The following PLCH1 variants were observed in gnomAD, a reference collection of about 807,000 sequenced individuals.
PLCH1 encodes the protein 1-phosphatidylinositol 4,5-bisphosphate phosphodiesterase eta-1.
Under a neutral mutation model 126.7 loss-of-function variants are expected in PLCH1, and 60 were observed. The observed-to-expected ratio is 0.47, with a 90% CI of 0.38 to 0.59. The LOEUF (loss-of-function observed/expected upper bound fraction) is 0.59. PLCH1 is among the 20% of genes least tolerant of loss of function. The pLI is 0.00. For synonymous variants in PLCH1, 719 were observed against 734.9 expected, an observed-to-expected ratio of 0.98 and a Z score of 0.35; for missense variants, 1,723 against 2,040.0, an observed-to-expected ratio of 0.84 and a Z score of 2.99.
intron 2 of PLCH1, among the ~76,000 whole-genome samples, chr3:155,627,261 T>C (rs1044621173): frequency 6.6e-6 from 1 of 152,132 alleles, no homozygotes; most frequent in African/African-American, 2.4e-5. Flanking sequence ...ACTGACATAA[T>C]GAAGCAAAGA....
chr3:155,455,343 G>C (rs1021765763), intron 21 of PLCH1, among the ~76,000 whole-genome samples: 3 of 152,138 alleles, frequency 2.0e-5, no homozygotes, highest in Admixed American at 6.5e-5. Context: ...CCCCAAGATG[G>C]TCCCTACATG....
intron 10 of PLCH1, among the ~76,000 whole-genome samples, chr3:155,531,171 T>C (rs753442658): frequency 2.0e-5 from 3 of 152,174 alleles, no homozygotes; most frequent in African/African-American, 7.2e-5. Flanking sequence ...GGATGAAAAA[T>C]GAGCACTGGC....
chr3:155,591,292 A>G (rs866744902), intron 4 of PLCH1, among the ~76,000 whole-genome samples: 1 of 152,148 alleles, frequency 6.6e-6, no homozygotes, highest in African/African-American at 2.4e-5. Flanking sequence ...CCCAAAAGCC[A>G]TGTACTTTAA....
At chr3:155,455,270 C>A (rs572744240) in intron 21 of PLCH1, among the ~76,000 whole-genome samples, 1 of 152,274 alleles carries the variant, frequency 6.6e-6, no homozygotes, top group African/African-American at 2.4e-5. Context: ...GCAGCTCCCC[C>A]AGAGGCAAGG....
At chr3:155,642,704 AAGC>A (rs1739547865) in intron 2 of PLCH1, among the ~76,000 whole-genome samples, 1 of 152,196 alleles carries the variant, frequency 6.6e-6, no homozygotes, top group Admixed American at 6.5e-5. Context: ...CTTTTTTCCA[AAGC>A]AGCCAGCTGT....
intron 1 of PLCH1, among the ~76,000 whole-genome samples, chr3:155,725,762 C>A (rs1748275098): frequency 6.6e-6 from 1 of 152,136 alleles, no homozygotes; most frequent in African/African-American, 2.4e-5. Context: ...TTATAAGTAG[C>A]ATATAGCTGA....
At chr3:155,537,201 C>CAAAAAAAAAAAAAAAAAAA (rs1560128167) in intron 10 of PLCH1, among the ~76,000 whole-genome samples, 7 of 132,100 alleles carry the variant, frequency 5.3e-5, no homozygotes, top group African/African-American at 2.1e-4. Flanking sequence ...AAAAAAAAAA[C>CAAAAAAAAAAAAAAAAAAA]CAAAAAAAAA....
chr3:155,542,221 C>G (rs1724394973), intron 10 of PLCH1, among the ~76,000 whole-genome samples: 1 of 152,214 alleles, frequency 6.6e-6, no homozygotes, highest in Admixed American at 6.5e-5. Context: ...AAACGGCGCA[C>G]CAGGAGATTA....
At chr3:155,602,348 T>C (rs187372936) in intron 2 of PLCH1, among the ~76,000 whole-genome samples, 2 of 152,230 alleles carry the variant, frequency 1.3e-5, no homozygotes, top group African/African-American at 4.8e-5. Context: ...CTGTTACCTA[T>C]AAGAATGACA....
rs1196997578 is a variant in PLCH1, at chr3:155,488,071, G to A, written c.2576C>T (p.Ala859Val). Residue 859 changes from alanine (A) to valine (V), a missense_variant, in exon 21 of 23, where the codon GCA (alanine) becomes GTA (valine). Around this residue, in one of 2 missense-constraint regions of PLCH1, gnomAD observed 776 missense variants for 1,062.9 expected, o/e 0.73. Coordinates refer to ENST00000460012, the MANE Select transcript of PLCH1 (RefSeq NM_014996.4). ...GATGGTTATGTGTACAAATATGGAT[G>A]CTTCTGTCAGTCCTTCCAAATAGAC... ...RHVYLEGLTE[A>V]SIFVHITINE... The A allele has an allele frequency of 6.2e-7, 1 of 1,608,396 alleles. No individual in the cohort carries two copies. The highest frequency in any genetic ancestry group is 1.7e-5 in the Admixed American group (1 of 60,006).
intron 11 of PLCH1, among the ~76,000 whole-genome samples, chr3:155,523,371 G>A (rs925974010): frequency 5.3e-5 from 8 of 152,170 alleles, no homozygotes; most frequent in Non-Finnish European, 1.5e-5. Flanking sequence ...CTTTATTGAA[G>A]ACTTGACAAA....
intron 2 of PLCH1, among the ~76,000 whole-genome samples, chr3:155,637,156 C>T (rs1026917820): frequency 5.5e-4 from 84 of 152,254 alleles, no homozygotes; most frequent in African/African-American, 1.7e-3. Context: ...CTGATTGGAC[C>T]GTAAGCCTTT....
chr3:155,590,488 G>A (rs566367804), intron 4 of PLCH1, among the ~76,000 whole-genome samples: 1 of 151,378 alleles, frequency 6.6e-6, no homozygotes, highest in African/African-American at 2.4e-5. Flanking sequence ...TGAGGCAGGA[G>A]AATGGCGTAA....
rs755690420 is a variant in PLCH1, at chr3:155,494,203, C to T, written c.2120G>A (p.Arg707Gln). Residue 707 changes from arginine (R) to glutamine (Q), a missense_variant, in exon 17 of 23, where the codon CGA becomes CAA. By Grantham distance (43) the Arg-to-Gln change is conservative (BLOSUM62 1). This residue lies in a region of PLCH1 where 776 missense variants were observed against 1,062.9 expected (regional missense o/e 0.73). Transcript: ENST00000460012. ...QSEGRMMQLN[R>Q]AKFKANGNCG... ...ATTGCCATTTGCCTTGAATTTGGCT[C>T]GGTTTAACTGCATCATTCGTCCTTC... is the stretch of plus-strand genomic sequence containing the variant. 16 of 1,614,016 alleles carry T rather than the reference C, an allele frequency of 9.9e-6. No individual in the cohort carries two copies. Among genetic ancestry groups the T allele is most frequent in the East Asian group, 6.7e-5 (3 of 44,894 alleles).
chr3:155,606,461 G>A (rs1450688009), intron 2 of PLCH1, among the ~76,000 whole-genome samples: 3 of 152,154 alleles, frequency 2.0e-5, no homozygotes, highest in Non-Finnish European at 4.4e-5. Flanking sequence ...ACATTATGAG[G>A]AAACTTTCAG....
intron 15 of PLCH1, among the ~76,000 whole-genome samples, chr3:155,497,007 T>A (rs552055031): frequency 1.3e-5 from 2 of 152,372 alleles, no homozygotes; most frequent in South Asian, 2.1e-4. Context: ...AAGCCGGGCC[T>A]GGACTTCACA....
intron 10 of PLCH1, among the ~76,000 whole-genome samples, chr3:155,542,204 G>A (rs1443183978): frequency 6.6e-6 from 1 of 152,174 alleles, no homozygotes; most frequent in Non-Finnish European, 1.5e-5. Context: ...TTTCCGACGG[G>A]CTTAAAAAAC....
chr3:155,637,863 G>A (rs1371818713), intron 2 of PLCH1, among the ~76,000 whole-genome samples: 1 of 152,144 alleles, frequency 6.6e-6, no homozygotes, highest in African/African-American at 2.4e-5. Context: ...TTCAAAGTGG[G>A]CTCTTGAATT....
chr3:155,617,372 T>A (rs913177002), intron 2 of PLCH1, among the ~76,000 whole-genome samples: 1 of 152,096 alleles, frequency 6.6e-6, no homozygotes, highest in Non-Finnish European at 1.5e-5. Context: ...TTCAAAAATA[T>A]CAAGCAGAAA....
Sources: allele counts gnomAD v4.1 joint callset (sites outside exome capture counted in the v4.1 genomes callset), GRCh38; gene constraint gnomAD v4.1.1; regional missense constraint gnomAD v4.1.1; transcripts MANE v1.5; gene names NCBI Gene and HGNC (gene_info 2026-07-23, HGNC 2026-07-21).